The following PTPRD variants were observed in gnomAD, a reference collection of about 807,000 sequenced individuals.
PTPRD encodes the protein receptor-type tyrosine-protein phosphatase delta.
Under a neutral mutation model 214.5 loss-of-function variants are expected in PTPRD, and 34 were observed. The observed-to-expected ratio is 0.16, with a 90% CI of 0.12 to 0.21. The LOEUF is 0.21. PTPRD is among the 10% of genes least tolerant of loss of function. The pLI is 1.00. For synonymous variants in PTPRD, 1,128 were observed against 845.7 expected (o/e 1.33, Z -5.79); for missense variants, 2,545 against 2,398.7 (o/e 1.06, Z -1.27).
chr9:9,094,520 T>C (rs2099780736), intron 10 of PTPRD, among the ~76,000 whole-genome samples: 1 of 151,992 alleles, frequency 6.6e-6, no homozygotes, highest in Non-Finnish European at 1.5e-5. Flanking sequence ...GACTTACGGT[T>C]GGGGGAAAGT....
At chr9:9,503,282 A>T (rs910211126) in intron 8 of PTPRD, among the ~76,000 whole-genome samples, 2 of 66,782 alleles carry the variant, frequency 3.0e-5, no homozygotes, top group Non-Finnish European at 5.1e-5. Context: ...TACCAAAAAA[A>T]GTTTTTTTTT....
At chr9:9,417,824 A>G (rs1587844193) in intron 8 of PTPRD, among the ~76,000 whole-genome samples, 2 of 152,102 alleles carry the variant, frequency 1.3e-5, no homozygotes, top group East Asian at 3.9e-4. Flanking sequence ...TAAATAAAAT[A>G]TTGTGAAAGC....
intron 5 of PTPRD, chr9:9,803,639 C>T (rs1473919632): frequency 1.3e-5 from 2 of 151,776 alleles, no homozygotes; most frequent in Non-Finnish European, 1.5e-5. Context: ...AGGATCTCTG[C>T]CTGGTATACC....
At chr9:10,013,023 C>T (rs994945513) in intron 4 of PTPRD, among the ~76,000 whole-genome samples, 5 of 151,688 alleles carry the variant, frequency 3.3e-5, no homozygotes, top group Non-Finnish European at 5.9e-5. Context: ...AAAGCATATC[C>T]GCTAGAGAAT....
intron 11 of PTPRD, among the ~76,000 whole-genome samples, chr9:8,786,990 CCACGCCCAG>C (rs1441983948): frequency 6.6e-6 from 1 of 152,112 alleles, no homozygotes; most frequent in Admixed American, 6.6e-5. Flanking sequence ...GTGCGCACCA[CCACGCCCAG>C]CTAATATTTT....
At chr9:10,498,165 T>C (rs1201880587) in intron 2 of PTPRD, among the ~76,000 whole-genome samples, 3 of 151,884 alleles carry the variant, frequency 2.0e-5, no homozygotes, top group African/African-American at 7.2e-5. Context: ...TTGTAATGAG[T>C]AGCAAGACAT....
At chr9:9,799,717 T>C (rs1187362975) in intron 5 of PTPRD, 1 of 152,044 alleles carries the variant, frequency 6.6e-6, no homozygotes, top group African/African-American at 2.4e-5. Context: ...TCAATAAAAG[T>C]TGGAAATAAA....
intron 26 of PTPRD, among the ~76,000 whole-genome samples, chr9:8,496,610 G>A (rs1044244033): frequency 1.3e-5 from 2 of 152,152 alleles, no homozygotes; most frequent in Non-Finnish European, 2.9e-5. Context: ...ATTCAAATAT[G>A]TATGGGTAAA....
chr9:9,201,132 A>G (rs1008916601), intron 9 of PTPRD, among the ~76,000 whole-genome samples: 1 of 152,210 alleles, frequency 6.6e-6, no homozygotes, highest in Non-Finnish European at 1.5e-5. Flanking sequence ...TGACATCTTC[A>G]GAAAAGCTTT....
At chr9:10,026,630 G>A (rs1162164612) in intron 4 of PTPRD, among the ~76,000 whole-genome samples, 1 of 152,072 alleles carries the variant, frequency 6.6e-6, no homozygotes, top group African/African-American at 2.4e-5. Flanking sequence ...TCACAAGGGG[G>A]CATTGTTTTC....
chr9:10,345,598 TC>T lies in PTPRD; in HGVS notation c.-599-4582del, dbSNP rs367861272. Among the ~76,000 whole-genome samples, 312 of 152,320 alleles carry T rather than the reference TC, an allele frequency of 2.0e-3. 1 individual carries two copies. Among genetic ancestry groups the T allele is most frequent in the African/African-American group, 7.0e-3 (291 of 41,572 alleles). Reference sequence around the variant, plus strand: ...TGTCCCTGCAAAGGACATGAACTCATCCTTTTTGTGGCTACACAGTATTCCA... The same window carrying T: ...TGTCCCTGCAAAGGACATGAACTCATCTTTTTGTGGCTACACAGTATTCCA... On this transcript the variant is annotated intron_variant, in intron 2 of 45. Coordinates refer to ENST00000381196, the MANE Select transcript of PTPRD (RefSeq NM_002839.4).
chr9:9,312,207 T>C (rs1329134873), intron 9 of PTPRD, among the ~76,000 whole-genome samples: 1 of 152,122 alleles, frequency 6.6e-6, no homozygotes, highest in African/African-American at 2.4e-5. Context: ...CTCCACCCGT[T>C]TAAAAATTGC....
intron 7 of PTPRD, among the ~76,000 whole-genome samples, chr9:9,709,720 C>A (rs142589199): frequency 4.9e-4 from 75 of 151,980 alleles, no homozygotes; most frequent in Non-Finnish European, 8.5e-4. Flanking sequence ...CTTAAAGGGG[C>A]AAATTTTTAT....
intron 14 of PTPRD, among the ~76,000 whole-genome samples, chr9:8,578,921 C>G (rs1051737064): frequency 6.6e-6 from 1 of 152,126 alleles, no homozygotes; most frequent in African/African-American, 2.4e-5. Context: ...TCTGTTCCTA[C>G]TATTGTGTAC....
intron 2 of PTPRD, among the ~76,000 whole-genome samples, chr9:10,540,305 G>C (rs1344273765): frequency 6.6e-6 from 1 of 152,314 alleles, no homozygotes; most frequent in East Asian, 1.9e-4. Context: ...TGGGATTGCA[G>C]GCATGAGCCA....
intron 3 of PTPRD, among the ~76,000 whole-genome samples, chr9:10,115,072 T>A (rs1349090873): frequency 6.6e-6 from 1 of 151,652 alleles, no homozygotes; most frequent in African/African-American, 2.4e-5. Context: ...AAGTGCTATC[T>A]CTCACAGCCT....
intron 7 of PTPRD, among the ~76,000 whole-genome samples, chr9:9,705,668 T>G: frequency 6.6e-6 from 1 of 152,218 alleles, no homozygotes; most frequent in East Asian, 1.9e-4. Flanking sequence ...TTAAAATAAA[T>G]ATACCTACTT....
chr9:9,692,083 G>A (rs371630738), intron 7 of PTPRD, among the ~76,000 whole-genome samples: 20 of 140,932 alleles, frequency 1.4e-4, no homozygotes, highest in East Asian at 6.4e-4. Context: ...TTGTCTCTTC[G>A]CTTTATTGAT....
chr9:9,559,181 C>G (rs1452790311), intron 8 of PTPRD, among the ~76,000 whole-genome samples: 1 of 152,066 alleles, frequency 6.6e-6, no homozygotes, highest in Admixed American at 6.5e-5. Context: ...GCGTGGTTAC[C>G]CATCAACACA....
Sources: gnomAD v4.1 joint callset for allele counts (sites outside exome capture counted in the v4.1 genomes callset) on GRCh38, gnomAD v4.1.1 for gene constraint, MANE v1.5 for transcripts, NCBI Gene and HGNC (gene_info 2026-07-23, HGNC 2026-07-21) for gene names.